Variants in STAG1 observed in about 807,000 individuals in gnomAD.
STAG1 encodes the protein cohesin subunit SA-1.
A neutral mutation model predicts 170.9 loss-of-function variants in STAG1; 26 were observed. The observed-to-expected ratio is 0.15, with a 90% CI of 0.11 to 0.21. The LOEUF (loss-of-function observed/expected upper bound fraction) is 0.21, where lower values mean the gene tolerates loss of function less well. Ranked by LOEUF, STAG1 falls within the 10% of genes least tolerant of loss-of-function variation. The pLI, the probability that STAG1 is intolerant of heterozygous loss-of-function variation, is 1.00. For missense variants in STAG1, 964 were observed against 1,509.5 expected (o/e 0.64, Z 5.99); for synonymous variants, 514 against 497.7 (o/e 1.03, Z -0.44).
At chr3:136,546,719 C>T (rs1936170349) in intron 5 of STAG1, among the ~76,000 whole-genome samples, 1 of 152,016 alleles carries the variant, frequency 6.6e-6, no homozygotes, top group African/African-American at 2.4e-5. Context: ...AGAGAAGCTG[C>T]CCACATTGTA....
chr3:136,643,999 C>T (rs532325624), intron 1 of STAG1, among the ~76,000 whole-genome samples: 76 of 152,174 alleles, frequency 5.0e-4, no homozygotes, highest in Non-Finnish European at 3.2e-4. Context: ...ATATTACACC[C>T]ATTTCAATTT....
At chr3:136,419,446 G>A (rs534117229) in intron 20 of STAG1, among the ~76,000 whole-genome samples, 125 of 151,872 alleles carry the variant, frequency 8.2e-4, no homozygotes, top group East Asian at 1.4e-3. Context: ...TTCAGCCACC[G>A]CACCCAGCCT....
chr3:136,486,730 C>T (rs367870087), intron 9 of STAG1, among the ~76,000 whole-genome samples: 56 of 152,230 alleles, frequency 3.7e-4, no homozygotes, highest in African/African-American at 1.3e-3. Flanking sequence ...CCATCTAACT[C>T]TTCCAACTAA....
At chr3:136,538,203 GCGC>G (rs1935732441) in intron 6 of STAG1, among the ~76,000 whole-genome samples, 1 of 151,982 alleles carries the variant, frequency 6.6e-6, no homozygotes, top group Non-Finnish European at 1.5e-5. Flanking sequence ...AATAATGATA[GCGC>G]AATACTATAT....
At position 136,705,481 on chromosome 3, in the gene STAG1, T is replaced by C. The variant is rs1490005954; in HGVS notation, c.-84+46714A>G. Among the ~76,000 whole-genome samples the C allele has an allele frequency of 2.6e-5, 4 of 152,016 alleles. No individual in the cohort carries two copies. The East Asian group carries it at 5.8e-4, about 22-fold the overall frequency. On this transcript the variant is annotated intron_variant, in intron 1 of 33. Coordinates refer to ENST00000383202, the MANE Select transcript of STAG1 (RefSeq NM_005862.3). Reference sequence around the variant, plus strand: ...GTGTCCCCACCCAGATCCTGAATTGTAGCTCCCATAATTCCCACGTATTGT... The same window carrying C: ...GTGTCCCCACCCAGATCCTGAATTGCAGCTCCCATAATTCCCACGTATTGT...
intron 1 of STAG1, among the ~76,000 whole-genome samples, chr3:136,697,483 G>A (rs112059833): frequency 5.3e-5 from 8 of 152,200 alleles, no homozygotes; most frequent in African/African-American, 1.4e-4. Flanking sequence ...AGGTTCTCTG[G>A]GGATGAGATC....
intron 4 of STAG1, among the ~76,000 whole-genome samples, chr3:136,574,302 G>A (rs1314156603): frequency 2.0e-5 from 3 of 151,244 alleles, no homozygotes; most frequent in Admixed American, 1.3e-4. Flanking sequence ...TATAAGAGCA[G>A]ATAGGCCACA....
chr3:136,619,756 CAAAAAAAA>C (rs62857261), intron 3 of STAG1, among the ~76,000 whole-genome samples: 2 of 67,750 alleles, frequency 3.0e-5, no homozygotes, highest in African/African-American at 6.4e-5. Flanking sequence ...GACTCTGTCT[CAAAAAAAA>C]AAAAAAAAAA....
chr3:136,681,704 ACATT>A (rs1280171851), intron 1 of STAG1, among the ~76,000 whole-genome samples: 1 of 152,238 alleles, frequency 6.6e-6, no homozygotes, highest in Non-Finnish European at 1.5e-5. Flanking sequence ...TAACCAAATG[ACATT>A]CATTAATAAA....
At chr3:136,491,098 C>T (rs2090116732) in intron 9 of STAG1, among the ~76,000 whole-genome samples, 1 of 152,034 alleles carries the variant, frequency 6.6e-6, no homozygotes, top group African/African-American at 2.4e-5. Flanking sequence ...ACTACTACTT[C>T]TCTCTAATAC....
chr3:136,441,090 C>T (rs954914146), intron 15 of STAG1, among the ~76,000 whole-genome samples: 3 of 139,498 alleles, frequency 2.2e-5, no homozygotes, highest in Non-Finnish European at 3.0e-5. Flanking sequence ...TGGAGTGAAT[C>T]GGCGAGATCT....
chr3:136,702,113 G>GAC (rs1559960249), intron 1 of STAG1, among the ~76,000 whole-genome samples: 10 of 77,422 alleles, frequency 1.3e-4, no homozygotes, highest in Admixed American at 5.4e-4. Flanking sequence ...GAGAGAGAGA[G>GAC]AGAGAGAGAC....
chr3:136,443,954 T>C lies in STAG1; in HGVS notation c.1429-550A>G, dbSNP rs531663076. 5.2e-4 allele frequency among the ~76,000 whole-genome samples: 79 copies of C among 152,342 alleles called. 2 individuals carry two copies. The highest frequency in any genetic ancestry group is 4.1e-4 in the South Asian group (2 of 4,830). Reference sequence around the variant, plus strand: ...CACCCCCATTTTCTGTTGGTCATTATTCTCTTGACAATTTTCTTTGGAGCC... The same window carrying C: ...CACCCCCATTTTCTGTTGGTCATTACTCTCTTGACAATTTTCTTTGGAGCC... On this transcript the variant is annotated intron_variant, in intron 14 of 33. Transcript: ENST00000383202.
At chr3:136,746,845 C>T (rs560786571) in intron 1 of STAG1, among the ~76,000 whole-genome samples, 33 of 151,900 alleles carry the variant, frequency 2.2e-4, no homozygotes, top group Admixed American at 2.0e-3. Flanking sequence ...GCCTGTAATC[C>T]CAGCACTTTC....
At chr3:136,551,064 C>T (rs1211712025) in intron 5 of STAG1, among the ~76,000 whole-genome samples, 1 of 152,016 alleles carries the variant, frequency 6.6e-6, no homozygotes, top group Non-Finnish European at 1.5e-5. Flanking sequence ...CCACACTGTA[C>T]TCCTTAGAAG....
intron 21 of STAG1, among the ~76,000 whole-genome samples, chr3:136,411,058 T>C (rs1354793841): frequency 6.6e-6 from 1 of 152,208 alleles, no homozygotes; most frequent in African/African-American, 2.4e-5. Flanking sequence ...CTTAAAATAG[T>C]ACCTTGTATG....
intron 21 of STAG1, among the ~76,000 whole-genome samples, chr3:136,415,271 T>C (rs2087738438): frequency 1.3e-5 from 2 of 150,198 alleles, no homozygotes; most frequent in African/African-American, 2.5e-5. Flanking sequence ...AACAATTCAG[T>C]GAAGGAAGGA....
chr3:136,582,692 G>GGGAGGCTGGGGCA (rs1937616201), intron 4 of STAG1, among the ~76,000 whole-genome samples: 4 of 152,164 alleles, frequency 2.6e-5, no homozygotes, highest in Non-Finnish European at 5.9e-5. Flanking sequence ...CCAGTTACTT[G>GGGAGGCTGGGGCA]GGAGGCTGGG....
intron 1 of STAG1, among the ~76,000 whole-genome samples, chr3:136,687,591 C>T (rs1942575488): frequency 6.6e-6 from 1 of 151,830 alleles, no homozygotes; most frequent in African/African-American, 2.4e-5. Context: ...ATAAAGTAAA[C>T]TAAAGGTTCA....
Sources: gnomAD v4.1 joint callset for allele counts (sites outside exome capture counted in the v4.1 genomes callset) on GRCh38, gnomAD v4.1.1 for gene constraint, MANE v1.5 for transcripts, NCBI Gene and HGNC (gene_info 2026-07-23, HGNC 2026-07-21) for gene names.